Variants in MSH3 observed in about 807,000 individuals in gnomAD.
The protein encoded by MSH3 is DNA mismatch repair protein Msh3.
A neutral mutation model predicts 123.3 loss-of-function variants in MSH3; 106 were observed. The ratio of observed to expected loss-of-function variants is 0.86; its 90% confidence interval spans 0.73 to 1.01. MSH3 has a LOEUF of 1.01. MSH3 is among the 50% of genes least tolerant of loss of function. The pLI is 0.00. For synonymous variants in MSH3, 515 were observed against 481.4 expected (o/e 1.07, Z -0.91); for missense variants, 1,459 against 1,347.6 (o/e 1.08, Z -1.29).
chr5:80,730,038 G>T (rs922767439), intron 10 of MSH3, among the ~76,000 whole-genome samples: 21 of 152,146 alleles, frequency 1.4e-4, no homozygotes, highest in African/African-American at 5.1e-4. Flanking sequence ...GGTTCTTTTT[G>T]TAATGTCTTT....
chr5:80,721,452 C>T (rs992176332), intron 8 of MSH3, among the ~76,000 whole-genome samples: 1 of 152,196 alleles, frequency 6.6e-6, no homozygotes, highest in African/African-American at 2.4e-5. Flanking sequence ...ACTGCACTCC[C>T]AATTTCAGCT....
intron 4 of MSH3, among the ~76,000 whole-genome samples, chr5:80,671,676 A>T (rs1449690162): frequency 6.6e-6 from 1 of 152,204 alleles, no homozygotes; most frequent in Non-Finnish European, 1.5e-5. Context: ...TTAGAGTTCC[A>T]TGGCTTCAGT....
At chr5:80,655,564 T>C (rs1286652272) in intron 1 of MSH3, 2 of 188,228 alleles carry the variant, frequency 1.1e-5, no homozygotes, top group African/African-American at 4.7e-5. Context: ...CCTGTTGCCA[T>C]CCTTCAACGC....
chr5:80,729,112 T>C (rs1743358515), intron 10 of MSH3, 147 bp downstream of exon 10: 1 of 599,806 alleles, frequency 1.7e-6, no homozygotes, highest in Non-Finnish European at 2.9e-6. Context: ...GTATTGTTGC[T>C]GAAGAATATT....
chr5:80,833,507 A>G (rs1009203884), intron 20 of MSH3, among the ~76,000 whole-genome samples: 11 of 152,210 alleles, frequency 7.2e-5, no homozygotes, highest in African/African-American at 2.7e-4. Flanking sequence ...CAGTGGCACC[A>G]TCTCGGCTCA....
intron 19 of MSH3, among the ~76,000 whole-genome samples, chr5:80,802,391 G>A (rs977063842): frequency 6.6e-6 from 1 of 150,634 alleles, no homozygotes; most frequent in South Asian, 2.1e-4. Flanking sequence ...TCCTGCCATG[G>A]TACCTCACAG....
chr5:80,735,040 C>T (rs187250811), intron 10 of MSH3, among the ~76,000 whole-genome samples: 1 of 152,148 alleles, frequency 6.6e-6, no homozygotes, highest in Admixed American at 6.5e-5. Context: ...GAACACTGCA[C>T]AGAAAGAAGA....
intron 11 of MSH3, among the ~76,000 whole-genome samples, chr5:80,743,070 C>CA (rs1743646223): frequency 6.6e-6 from 1 of 152,126 alleles, no homozygotes; most frequent in South Asian, 2.1e-4. Flanking sequence ...GCCCCTCGCC[C>CA]ACCTTTCCAA....
At chr5:80,799,170 T>G (rs1258363140) in intron 19 of MSH3, among the ~76,000 whole-genome samples, 3 of 152,042 alleles carry the variant, frequency 2.0e-5, no homozygotes, top group African/African-American at 7.3e-5. Context: ...GAATGTAAAT[T>G]GGGCAGGATC....
In MSH3 at chr5:80,744,494, G is replaced by C. The variant is rs1310432892; in HGVS notation, c.1654-12G>C. 6.3e-7 allele frequency: 1 copy of C among 1,590,436 alleles called. No individual in the cohort carries two copies. The highest frequency in any genetic ancestry group is 8.6e-7 in the Non-Finnish European group (1 of 1,159,688). ...GTCTAGTTAATAAAACTTGTTTTCTGGTCTTTCTTAGACTGATATGAAAAC... is the reference window on the plus strand; with the variant it reads ...GTCTAGTTAATAAAACTTGTTTTCTCGTCTTTCTTAGACTGATATGAAAAC... On this transcript the variant is annotated splice_polypyrimidine_tract_variant and intron_variant, in intron 11 of 23. Transcript: ENST00000265081.
At position 80,744,360 on chromosome 5, in the gene MSH3, T is replaced by G. The variant is rs7726620; in HGVS notation, c.1654-146T>G. 8,060 of 649,232 alleles carry G rather than the reference T, an allele frequency of 0.012. 451 individuals are homozygous for G. In the African/African-American group the frequency reaches 0.13, roughly 10 times the overall value. The allele number at this position is 649,232 out of a possible 1,614,324, so 40.2% of individuals were successfully genotyped here. On this transcript the variant is annotated intron_variant, in intron 11 of 23. Coordinates refer to ENST00000265081, the MANE Select transcript of MSH3 (RefSeq NM_002439.5). The stretch of plus-strand genomic sequence containing the variant: ...GTCAGTACTTCATTCTGTATGTATG[T>G]ATTCATCTGTCAAACATTAAATGAA...
intron 21 of MSH3, among the ~76,000 whole-genome samples, chr5:80,858,754 C>G (rs1055046419): frequency 4.6e-5 from 7 of 152,002 alleles, no homozygotes; most frequent in Admixed American, 6.6e-5. Context: ...CAGCTGTGTC[C>G]TTACTGATTT....
chr5:80,678,897 C>T (rs1474683570), intron 7 of MSH3, 30 bp from the exon 8 acceptor site: 2 of 1,613,036 alleles, frequency 1.2e-6, no homozygotes, highest in African/African-American at 2.7e-5. Flanking sequence ...TACATTTTTT[C>T]TGTAACATTA....
At chr5:80,682,675 A>G (rs1193751482) in intron 8 of MSH3, among the ~76,000 whole-genome samples, 2 of 152,246 alleles carry the variant, frequency 1.3e-5, no homozygotes, top group African/African-American at 4.8e-5. Flanking sequence ...TAATTACATC[A>G]GGGTAAATGG....
At chr5:80,692,642 G>A (rs1168163410) in intron 8 of MSH3, among the ~76,000 whole-genome samples, 1 of 104,086 alleles carries the variant, frequency 9.6e-6, no homozygotes, top group South Asian at 2.7e-4. Context: ...GTTTATATAT[G>A]TTTATATAGA....
At chr5:80,854,357 G>A (rs1298749519) in intron 21 of MSH3, 41 bp downstream of exon 21, 3 of 1,540,156 alleles carry the variant, frequency 1.9e-6, no homozygotes, top group Non-Finnish European at 2.7e-6. Context: ...AAATTAATTT[G>A]TAAATTATTA....
At chr5:80,722,357 G>A (rs1751099140) in intron 8 of MSH3, among the ~76,000 whole-genome samples, 1 of 152,154 alleles carries the variant, frequency 6.6e-6, no homozygotes, top group East Asian at 1.9e-4. Context: ...TAACTCAGTT[G>A]TTTATAGTAT....
chr5:80,693,006 C>T (rs1341474067), intron 8 of MSH3, among the ~76,000 whole-genome samples: 1 of 137,854 alleles, frequency 7.3e-6, no homozygotes, highest in South Asian at 2.5e-4. Context: ...AATATACATG[C>T]ACATGTATAT....
rs1407961351 is a variant in MSH3, at chr5:80,775,774, A to C, written c.2318+16A>C. 1.3e-6 allele frequency: 2 copies of C among 1,498,856 alleles called. No individual in the cohort carries two copies. The highest frequency in any genetic ancestry group is 3.3e-5 in the Admixed American group (2 of 59,736). 92.8% of individuals were successfully genotyped at this position (1,498,856 alleles called of 1,614,324 possible). On this transcript the variant is annotated intron_variant, in intron 16 of 23. Coordinates refer to ENST00000265081, the MANE Select transcript of MSH3 (RefSeq NM_002439.5). Reference sequence around the variant, plus strand: ...AGGTTGGAAGGTAGGTTTAAAATAAATTTTTTTCTTACAATGCATTATGAT... The same window carrying C: ...AGGTTGGAAGGTAGGTTTAAAATAACTTTTTTTCTTACAATGCATTATGAT...
Sources: gnomAD v4.1 joint callset for allele counts (sites outside exome capture counted in the v4.1 genomes callset) on GRCh38, gnomAD v4.1.1 for gene constraint, MANE v1.5 for transcripts, NCBI Gene and HGNC (gene_info 2026-07-23, HGNC 2026-07-21) for gene names.